The following NTM variants were observed in gnomAD, a reference collection of about 807,000 sequenced individuals.
NTM encodes IgLON family member 2.
In NTM, 13 loss-of-function variants were observed where a neutral mutation model predicts 42.1. The ratio of observed to expected loss-of-function variants is 0.31; its 90% confidence interval spans 0.20 to 0.49. The LOEUF is 0.49. NTM is among the 20% of genes least tolerant of loss of function. The pLI is 0.99. For synonymous variants in NTM, 187 were observed against 179.2 expected, an observed-to-expected ratio of 1.04 and a Z score of -0.35; for missense variants, 373 against 452.8, an observed-to-expected ratio of 0.82 and a Z score of 1.60.
chr11:132,229,243 G>A (rs1016570772), intron 4 of NTM, among the ~76,000 whole-genome samples: 1 of 152,156 alleles, frequency 6.6e-6, no homozygotes, highest in Non-Finnish European at 1.5e-5. Context: ...TGATGTAGGT[G>A]TTCTTGCTGT....
At chr11:131,421,704 A>T (rs1172708060) in intron 1 of NTM, among the ~76,000 whole-genome samples, 1 of 152,132 alleles carries the variant, frequency 6.6e-6, no homozygotes, top group Non-Finnish European at 1.5e-5. Flanking sequence ...TCCACCTCAA[A>T]TTTTAAACAA....
At chr11:131,801,404 T>C (rs1485601720) in intron 1 of NTM, among the ~76,000 whole-genome samples, 2 of 152,122 alleles carry the variant, frequency 1.3e-5, no homozygotes, top group African/African-American at 4.8e-5. Context: ...GGCCCACTCA[T>C]TCACTCCCAT....
At chr11:131,758,803 G>C (rs1253582244) in intron 1 of NTM, among the ~76,000 whole-genome samples, 1 of 152,108 alleles carries the variant, frequency 6.6e-6, no homozygotes, top group Non-Finnish European at 1.5e-5. Context: ...TGTTGGCCAG[G>C]CTGGTCTCAA....
chr11:131,873,553 TATATATACCGTATATATATAC>T (rs1204685880), intron 1 of NTM, among the ~76,000 whole-genome samples: 2 of 47,306 alleles, frequency 4.2e-5, no homozygotes, highest in African/African-American at 1.0e-4. Flanking sequence ...TATATACATA[TATATATACCGTATATATATAC>T]ATATATATAT....
At chr11:131,927,395 C>T (rs1326660231) in intron 2 of NTM, among the ~76,000 whole-genome samples, 1 of 152,148 alleles carries the variant, frequency 6.6e-6, no homozygotes, top group African/African-American at 2.4e-5. Context: ...CTGGCCTGGC[C>T]TTGGAGCCAT....
At chr11:131,418,917 ACTTC>A (rs1947226571) in intron 1 of NTM, among the ~76,000 whole-genome samples, 3 of 152,150 alleles carry the variant, frequency 2.0e-5, no homozygotes, top group Non-Finnish European at 4.4e-5. Flanking sequence ...CCTCATGAAC[ACTTC>A]ACCTATTGTT....
At chr11:131,643,255 A>T (rs1565366916) in intron 1 of NTM, among the ~76,000 whole-genome samples, 1 of 152,224 alleles carries the variant, frequency 6.6e-6, no homozygotes, top group African/African-American at 2.4e-5. Flanking sequence ...TTAAGGGATG[A>T]TTCTATCAAC....
At chr11:131,686,810 T>C (rs1019325655) in intron 1 of NTM, among the ~76,000 whole-genome samples, 1 of 152,202 alleles carries the variant, frequency 6.6e-6, no homozygotes, top group African/African-American at 2.4e-5. Context: ...TTTGATGTTT[T>C]CAAAGGTAGA....
intron 1 of NTM, among the ~76,000 whole-genome samples, chr11:131,725,910 C>T (rs537089828): frequency 6.6e-6 from 1 of 152,242 alleles, no homozygotes; most frequent in African/African-American, 2.4e-5. Flanking sequence ...TCGCTAGATT[C>T]AGTGGGTCTA....
chr11:132,334,192 G>T (rs1330107690), intron 8 of NTM, among the ~76,000 whole-genome samples: 1 of 152,250 alleles, frequency 6.6e-6, no homozygotes, highest in Non-Finnish European at 1.5e-5. Context: ...CACAAGGGCC[G>T]AGGTAGCCAG....
chr11:131,680,739 G>C (rs1260807733), intron 1 of NTM, among the ~76,000 whole-genome samples: 1 of 151,884 alleles, frequency 6.6e-6, no homozygotes, highest in Admixed American at 6.5e-5. Flanking sequence ...ATAGGCATGT[G>C]TGCCTCTGTG....
intron 1 of NTM, among the ~76,000 whole-genome samples, chr11:131,424,912 C>T (rs542357947): frequency 1.1e-3 from 166 of 146,048 alleles, no homozygotes; most frequent in Non-Finnish European, 1.7e-3. Flanking sequence ...CAGAGTCTCG[C>T]TCTGTCACCC....
At chr11:131,721,403 T>C (rs2078315534) in intron 1 of NTM, among the ~76,000 whole-genome samples, 1 of 152,174 alleles carries the variant, frequency 6.6e-6, no homozygotes, top group East Asian at 1.9e-4. Flanking sequence ...TTTTCATCTG[T>C]AGCATGGGGA....
intron 7 of NTM, among the ~76,000 whole-genome samples, chr11:132,318,559 C>T (rs1565469930): frequency 6.6e-6 from 1 of 152,156 alleles, no homozygotes; most frequent in Non-Finnish European, 1.5e-5. Flanking sequence ...ACATCCCTTC[C>T]AATTTTCTCA....
intron 3 of NTM, among the ~76,000 whole-genome samples, chr11:132,150,380 T>C (rs1330560494): frequency 6.6e-6 from 1 of 152,174 alleles, no homozygotes; most frequent in East Asian, 1.9e-4. Flanking sequence ...ACTACTGCAC[T>C]CCTGTGTTGG....
At chr11:132,132,801 T>A (rs1292670958) in intron 2 of NTM, among the ~76,000 whole-genome samples, 1 of 152,146 alleles carries the variant, frequency 6.6e-6, no homozygotes, top group African/African-American at 2.4e-5. Flanking sequence ...CTGGACTCCA[T>A]GGAAATCAAG....
chr11:131,736,704 T>C (rs1199585160), intron 1 of NTM, among the ~76,000 whole-genome samples: 1 of 152,186 alleles, frequency 6.6e-6, no homozygotes, highest in Non-Finnish European at 1.5e-5. Context: ...AGGTAGATGA[T>C]GAGCGTAACT....
At chr11:132,019,237 T>C (rs2073947786) in intron 2 of NTM, among the ~76,000 whole-genome samples, 1 of 150,562 alleles carries the variant, frequency 6.6e-6, no homozygotes, top group Admixed American at 6.7e-5. Context: ...GTTTTTTAGA[T>C]GTAAGCTTAG....
intron 1 of NTM, among the ~76,000 whole-genome samples, chr11:131,373,655 G>A (rs1007329058): frequency 6.6e-6 from 1 of 151,964 alleles, no homozygotes; most frequent in Non-Finnish European, 1.5e-5. Flanking sequence ...AACACCCACC[G>A]CCCACCTTCT....
Sources: gnomAD v4.1 joint callset for allele counts (sites outside exome capture counted in the v4.1 genomes callset) on GRCh38, gnomAD v4.1.1 for gene constraint, MANE v1.5 for transcripts, NCBI Gene and HGNC (gene_info 2026-07-23, HGNC 2026-07-21) for gene names.